The following ITGAL variants were observed in gnomAD, a reference collection of about 807,000 sequenced individuals.
ITGAL encodes the protein integrin alpha-L.
In ITGAL, 68 loss-of-function variants were observed where a neutral mutation model predicts 138.4. The observed-to-expected ratio is 0.49, with a 90% CI of 0.40 to 0.60. ITGAL has a LOEUF of 0.60. ITGAL is among the 20% of genes least tolerant of loss of function. The probability of loss-of-function intolerance (pLI) is 0.00; values close to 1 mark genes in which losing one functional copy is unlikely to be tolerated. For missense variants in ITGAL, 1,256 were observed against 1,478.6 expected, an observed-to-expected ratio of 0.85 and a Z score of 2.47; for synonymous variants, 561 against 584.3, an observed-to-expected ratio of 0.96 and a Z score of 0.57.
rs377109140 is a variant in ITGAL, at chr16:30,507,004, G to A, written c.2508+148G>A. 5.5e-3 allele frequency: 4,536 copies of A among 825,896 alleles called. 171 individuals carry two copies. In the South Asian group the frequency reaches 0.072, roughly 13 times the overall value. The allele number at this position is 825,896 out of a possible 1,614,324, so 51.2% of individuals were successfully genotyped here. ...GGGTCATATCTGGGTTCCCAGCCTC[G>A]AGCTGTATGATCCGAGGTACCAGGT... On this transcript the variant is annotated intron_variant, in intron 21 of 30. Transcript: ENST00000356798.
chr16:30,488,894 A>G, intron 9 of ITGAL, 188 bp from the exon 10 acceptor site: 1 of 590,332 alleles, frequency 1.7e-6, no homozygotes, highest in South Asian at 1.9e-5. Context: ...AAAAACAAAC[A>G]AATCTGGGAC....
At chr16:30,514,722 CCTATT>C (rs779892003) in intron 25 of ITGAL, among the ~76,000 whole-genome samples, 12 of 152,176 alleles carry the variant, frequency 7.9e-5, no homozygotes, top group Admixed American at 1.3e-4. Context: ...CCACACCTGG[CCTATT>C]CTAAGTTAGG....
In ITGAL at chr16:30,522,972, G is replaced by A. The variant is rs1421320512; in HGVS notation, c.*1307G>A. On this transcript the variant is annotated 3_prime_UTR_variant, in exon 31 of 31. Coordinates refer to ENST00000356798, the MANE Select transcript of ITGAL (RefSeq NM_002209.3). The surrounding 1 kb of genome is among the most constrained non-coding windows in gnomAD (Gnocchi z 4.0). ...AAGGAAAAAATAAAAATAAAAAGCG[G>A]GCACGGGCCCGTGACATCCCCACCC... 6.6e-6 allele frequency: 1 copy of A among 152,314 alleles called. No homozygotes were observed. The highest frequency in any genetic ancestry group is 2.4e-5 in the African/African-American group (1 of 41,416). The allele number at this position is 152,314 out of a possible 1,614,324, so 9.4% of individuals were successfully genotyped here. A position where few individuals can be genotyped will look rare whatever the true frequency, so the allele number is the denominator to read the frequency against.
chr16:30,505,344 C>A (rs1391324372), intron 19 of ITGAL, 44 bp downstream of exon 19: 1 of 1,612,426 alleles, frequency 6.2e-7, no homozygotes, highest in African/African-American at 1.3e-5. Context: ...GGGAACAAGT[C>A]CCTCCTGATC....
chr16:30,504,264 G>A lies in ITGAL; in HGVS notation c.2235G>A (p.Ala745=), dbSNP rs2050949675. The change falls in exon 18 of 31, where the codon GCG becomes GCA. Residue 745 remains alanine, a splice_region_variant and synonymous_variant. Coordinates refer to ENST00000356798, the MANE Select transcript of ITGAL (RefSeq NM_002209.3). ...EEEGTPRDQR[A]QGKDIPPILR... ...AAGGGACACCGAGGGACCAAAGGGC[G>A]GTAAGAAGAGATGGCTAGGGATGGT... 1.2e-6 allele frequency: 2 copies of A among 1,607,712 alleles called. No homozygotes were observed. The highest frequency in any genetic ancestry group is 1.7e-6 in the Non-Finnish European group (2 of 1,174,272).
intron 4 of ITGAL, among the ~76,000 whole-genome samples, chr16:30,476,633 C>CTTTT (rs36005241): frequency 7.3e-6 from 1 of 137,446 alleles, no homozygotes; most frequent in Non-Finnish European, 1.6e-5. Flanking sequence ...GGAAACACTG[C>CTTTT]TTTTTTTTTT....
chr16:30,510,730 C>T (rs2051076910), intron 22 of ITGAL, 151 bp from the exon 23 acceptor site: 1 of 694,408 alleles, frequency 1.4e-6, no homozygotes, highest in African/African-American at 1.8e-5. Flanking sequence ...TTGGTTGCCT[C>T]ATCTTTGCAA....
Position 30,489,439 on chromosome 16 carries a change from C to A in ITGAL, c.1213+53C>A. ...CTTCTGGTTGTTGAGGTCAGATGGT[C>A]GCTCAGCCTGGCTTCCAAAACAATA... On this transcript the variant is annotated intron_variant, in intron 11 of 30. Transcript: ENST00000356798. 1.9e-6 allele frequency: 3 copies of A among 1,587,830 alleles called. No homozygotes were observed. In the South Asian group the frequency reaches 3.4e-5, roughly 18 times the overall value.
intron 9 of ITGAL, among the ~76,000 whole-genome samples, chr16:30,484,972 A>G (rs932977093): frequency 6.6e-6 from 1 of 152,114 alleles, no homozygotes; most frequent in African/African-American, 2.4e-5. Context: ...GGGACATCCT[A>G]TTAGAAACAC....
intron 21 of ITGAL, among the ~76,000 whole-genome samples, chr16:30,508,138 G>A (rs1271103754): frequency 6.6e-6 from 1 of 150,560 alleles, no homozygotes; most frequent in Non-Finnish European, 1.5e-5. Flanking sequence ...TCGATCTCCT[G>A]ACCTCATGAT....
At chr16:30,496,627 T>G in intron 15 of ITGAL, 61 bp downstream of exon 15, 1 of 1,413,934 alleles carries the variant, frequency 7.1e-7, no homozygotes, top group South Asian at 1.7e-5. Context: ...TTTGTTTATA[T>G]TTTATTTTAT....
Position 30,499,734 on chromosome 16 carries a change from T to TGTGTGTATATATATATATATATATA in ITGAL, c.2145+245_2145+246insGTGTGTATATATATATATATATATA, listed in dbSNP as rs71149033. ...ATATGTATATATATATATATATATATTTTTTTTTTTTTGACACAGAGTCTC... is the reference window on the plus strand; with the variant it reads ...ATATGTATATATATATATATATATATGTGTGTATATATATATATATATATATTTTTTTTTTTTGACACAGAGTCTC... On this transcript the variant is annotated intron_variant, in intron 17 of 30. Coordinates refer to ENST00000356798, the MANE Select transcript of ITGAL (RefSeq NM_002209.3). 1.3e-4 allele frequency among the ~76,000 whole-genome samples: 10 copies of TGTGTGTATATATATATATATATATA among 76,624 alleles called. No individual in the cohort carries two copies. In the East Asian group the frequency reaches 1.7e-3, roughly 13 times the overall value. The allele number at this position is 76,624 out of a possible 152,430, so 50.3% of individuals were successfully genotyped here.
At chr16:30,520,058 G>T in intron 30 of ITGAL, 91 bp downstream of exon 30, 1 of 914,400 alleles carries the variant, frequency 1.1e-6, no homozygotes, top group South Asian at 1.4e-5. Flanking sequence ...TACCAAGCCA[G>T]AGGGCATAAG....
At chr16:30,514,401 C>A (rs2051136590) in intron 25 of ITGAL, among the ~76,000 whole-genome samples, 1 of 152,052 alleles carries the variant, frequency 6.6e-6, no homozygotes, top group African/African-American at 2.4e-5. Context: ...CTCAGCCTCC[C>A]AAGTAGCTGG....
intron 21 of ITGAL, among the ~76,000 whole-genome samples, chr16:30,507,824 T>G (rs1248474563): frequency 6.6e-6 from 1 of 152,110 alleles, no homozygotes; most frequent in African/African-American, 2.4e-5. Flanking sequence ...AATATTCCAT[T>G]TTATGCATAG....
At chr16:30,481,701 G>A in intron 7 of ITGAL, 117 bp downstream of exon 7, 1 of 872,678 alleles carries the variant, frequency 1.1e-6, no homozygotes, top group Non-Finnish European at 1.8e-6. Flanking sequence ...GCAGTTTATT[G>A]TCTGAATTGA....
At chr16:30,475,046 A>G (rs968967324) in intron 2 of ITGAL, among the ~76,000 whole-genome samples, 2 of 151,778 alleles carry the variant, frequency 1.3e-5, no homozygotes, top group Non-Finnish European at 2.9e-5. Flanking sequence ...TTTAGTAGAG[A>G]CGGGGTTTCA....
intron 29 of ITGAL, 75 bp downstream of exon 29, chr16:30,518,794 T>A (rs1490105935): frequency 5.5e-6 from 6 of 1,088,808 alleles, no homozygotes; most frequent in Non-Finnish European, 8.5e-6. Context: ...GACCTAGATG[T>A]GGGAGAGCTC....
chr16:30,519,030 C>T (rs2051213118), intron 29 of ITGAL, among the ~76,000 whole-genome samples: 1 of 152,152 alleles, frequency 6.6e-6, no homozygotes, highest in South Asian at 2.1e-4. Flanking sequence ...TCAAGACCAG[C>T]CTGGCCAACA....
Sources: gnomAD v4.1 joint callset for allele counts (sites outside exome capture counted in the v4.1 genomes callset) on GRCh38, gnomAD v4.1.1 for gene constraint, Gnocchi (gnomAD v3.1) non-coding constraint, MANE v1.5 for transcripts, NCBI Gene and HGNC (gene_info 2026-07-23, HGNC 2026-07-21) for gene names.